NFATC1: variants seen among roughly 807,000 people sequenced by gnomAD.
NFATC1 encodes nuclear factor of activated T cells 1, also known as nuclear factor of activated T-cells, cytoplasmic 1.
NFATC1 carries 22 observed loss-of-function variants against 76.0 expected under a neutral mutation model. The ratio of observed to expected loss-of-function variants is 0.29; its 90% CI spans 0.21 to 0.41. The LOEUF is 0.41. Among genes scored for constraint, NFATC1 ranks in the 10% least tolerant of loss-of-function variants. The probability of loss-of-function intolerance (pLI) is 1.00; values close to 1 mark genes in which losing one functional copy is unlikely to be tolerated. For synonymous variants in NFATC1, 704 were observed against 613.1 expected, an observed-to-expected ratio of 1.15 and a Z score of -2.19; for missense variants, 1,357 against 1,337.7, an observed-to-expected ratio of 1.01 and a Z score of -0.23.
intron 1 of NFATC1, among the ~76,000 whole-genome samples, 185 bp downstream of exon 1, chr18:79,396,536 C>G (rs113456414): frequency 0.085 from 12,936 of 152,072 alleles, 630 homozygotes; most frequent in Middle Eastern, 0.22. Context: ...TCCCAGCAGC[C>G]CGGTTCCGAG....
chr18:79,473,533 G>A (rs577813652), intron 8 of NFATC1, among the ~76,000 whole-genome samples: 200 of 146,272 alleles, frequency 1.4e-3, no homozygotes, highest in African/African-American at 5.0e-3. Context: ...GTGTTCTCGC[G>A]CTCACTGTCG....
At chr18:79,404,056 G>A (rs8090864) in intron 1 of NFATC1, among the ~76,000 whole-genome samples, 83,838 of 152,164 alleles carry the variant, frequency 0.55, 26,726 homozygotes, top group East Asian at 0.76. Context: ...GTTCTGTGTC[G>A]TGTTTTTCAA....
chr18:79,487,833 G>T (rs1038412345), intron 9 of NFATC1, among the ~76,000 whole-genome samples: 13 of 152,202 alleles, frequency 8.5e-5, no homozygotes, highest in African/African-American at 3.1e-4. Flanking sequence ...ATCGGGGCGT[G>T]CCCGCGGCCC....
intron 8 of NFATC1, among the ~76,000 whole-genome samples, chr18:79,482,996 G>T (rs2089348775): frequency 8.6e-6 from 1 of 116,654 alleles, no homozygotes; most frequent in Non-Finnish European, 1.8e-5. Flanking sequence ...GCGTGACCTG[G>T]TCCTGGGGTG....
intron 9 of NFATC1, chr18:79,497,238 A>C (rs2089911496): frequency 6.6e-6 from 1 of 152,300 alleles, no homozygotes; most frequent in Non-Finnish European, 1.5e-5. Context: ...CAACAAAAAT[A>C]CAGCATCACT....
chr18:79,396,804 A>T (rs1189606060), intron 1 of NFATC1, among the ~76,000 whole-genome samples: 1 of 105,300 alleles, frequency 9.5e-6, no homozygotes, highest in South Asian at 2.9e-4. Context: ...TGCGCCCCCC[A>T]CCCCCACCCC....
intron 2 of NFATC1, among the ~76,000 whole-genome samples, chr18:79,420,238 ACGT>A (rs1450442834): frequency 2.7e-5 from 4 of 149,350 alleles, no homozygotes; most frequent in Admixed American, 6.6e-5. Flanking sequence ...TTTCCAGGTG[ACGT>A]CGCTGCAGAG....
chr18:79,437,669 C>T (rs2086829717), intron 3 of NFATC1, among the ~76,000 whole-genome samples: 1 of 152,184 alleles, frequency 6.6e-6, no homozygotes, highest in African/African-American at 2.4e-5. Context: ...GCACCTCGGG[C>T]AGCCGCCACC....
chr18:79,454,953 C>T (rs771057821), intron 6 of NFATC1, among the ~76,000 whole-genome samples: 54 of 152,114 alleles, frequency 3.5e-4, no homozygotes, highest in Admixed American at 1.2e-3. Flanking sequence ...AGGCACCTCT[C>T]TGTACACGCG....
At chr18:79,453,401 C>T (rs958704533) in intron 6 of NFATC1, among the ~76,000 whole-genome samples, 1 of 152,220 alleles carries the variant, frequency 6.6e-6, no homozygotes, top group Non-Finnish European at 1.5e-5. Flanking sequence ...GGTGCCACGG[C>T]GCCATGGGTA....
intron 9 of NFATC1, among the ~76,000 whole-genome samples, chr18:79,499,286 T>C (rs1039840261): frequency 1.3e-5 from 2 of 152,220 alleles, no homozygotes; most frequent in African/African-American, 4.8e-5. Flanking sequence ...ATAGACTGTT[T>C]TGACTAAGAT....
At chr18:79,425,536 G>T (rs1006877135) in intron 2 of NFATC1, among the ~76,000 whole-genome samples, 3 of 152,234 alleles carry the variant, frequency 2.0e-5, no homozygotes, top group African/African-American at 7.2e-5. Context: ...CAATGAGCAC[G>T]TGCGGGCTTT....
At chr18:79,439,034 T>C (rs552470810) in intron 3 of NFATC1, among the ~76,000 whole-genome samples, 4 of 152,340 alleles carry the variant, frequency 2.6e-5, no homozygotes, top group Admixed American at 2.0e-4. Flanking sequence ...ATTCTCACTT[T>C]GTGTGGTACC....
intron 6 of NFATC1, among the ~76,000 whole-genome samples, chr18:79,455,479 G>A (rs897830935): frequency 2.0e-5 from 3 of 152,190 alleles, no homozygotes; most frequent in Non-Finnish European, 2.9e-5. Context: ...CGGGGCTCCC[G>A]GGAAGCAGAG....
At chr18:79,461,254 G>T in intron 6 of NFATC1, 57 bp from the exon 7 acceptor site, 1 of 1,599,778 alleles carries the variant, frequency 6.3e-7, no homozygotes, top group South Asian at 1.1e-5. Flanking sequence ...GGGGGTGTCT[G>T]GGGAGGGGGC....
At chr18:79,454,963 G>A (rs775225094) in intron 6 of NFATC1, among the ~76,000 whole-genome samples, 7 of 151,910 alleles carry the variant, frequency 4.6e-5, no homozygotes, top group Non-Finnish European at 1.0e-4. Context: ...CTGTACACGC[G>A]TGAACGTTGA....
At chr18:79,495,119 A>G (rs1462918836) in intron 9 of NFATC1, among the ~76,000 whole-genome samples, 1 of 152,242 alleles carries the variant, frequency 6.6e-6, no homozygotes, top group East Asian at 1.9e-4. Context: ...AGGCTCTCTA[A>G]AAATAGGGGC....
chr18:79,400,179 C>T (rs1383496598), intron 1 of NFATC1: 2 of 1,105,522 alleles, frequency 1.8e-6, no homozygotes, highest in Non-Finnish European at 2.2e-6. Context: ...TTTAAAAACT[C>T]GTGTCCGGGG....
At chr18:79,438,710 C>A (rs796606342) in intron 3 of NFATC1, among the ~76,000 whole-genome samples, 1 of 152,028 alleles carries the variant, frequency 6.6e-6, no homozygotes, top group Non-Finnish European at 1.5e-5. Context: ...CTCAGCCGCG[C>A]GGGTGAGAGG....
Sources: gnomAD v4.1 joint callset for allele counts (sites outside exome capture counted in the v4.1 genomes callset) on GRCh38, gnomAD v4.1.1 for gene constraint, MANE v1.5 for transcripts, NCBI Gene and HGNC (gene_info 2026-07-23, HGNC 2026-07-21) for gene names.